PLCB4: variants seen among roughly 807,000 people sequenced by gnomAD.
PLCB4 encodes the protein 1-phosphatidylinositol 4,5-bisphosphate phosphodiesterase beta-4.
A neutral mutation model predicts 178.8 loss-of-function variants in PLCB4; 77 were observed. The observed-to-expected ratio is 0.43, with a 90% CI of 0.36 to 0.52. The LOEUF (loss-of-function observed/expected upper bound fraction) is 0.52, where lower values mean the gene tolerates loss of function less well. Ranked by LOEUF, PLCB4 falls within the 20% of genes least tolerant of loss-of-function variation. The probability of loss-of-function intolerance (pLI) is 0.00; values close to 1 mark genes in which losing one functional copy is unlikely to be tolerated. For missense variants in PLCB4, 1,024 were observed against 1,453.4 expected (o/e 0.70, Z 4.80); for synonymous variants, 496 against 490.8 (o/e 1.01, Z -0.14).
chr20:9,128,394 G>A (rs1367234383), intron 2 of PLCB4, among the ~76,000 whole-genome samples: 1 of 152,032 alleles, frequency 6.6e-6, no homozygotes, highest in Non-Finnish European at 1.5e-5. Flanking sequence ...TACCAAAATG[G>A]ACTAACACAC....
At chr20:9,250,114 T>G (rs953742323) in intron 3 of PLCB4, among the ~76,000 whole-genome samples, 1 of 152,148 alleles carries the variant, frequency 6.6e-6, no homozygotes, top group Non-Finnish European at 1.5e-5. Context: ...CACTTAAGAG[T>G]TATCCTATTC....
intron 3 of PLCB4, among the ~76,000 whole-genome samples, chr20:9,267,491 A>C (rs1373296275): frequency 6.6e-6 from 1 of 152,132 alleles, no homozygotes; most frequent in Admixed American, 6.5e-5. Context: ...TTTTTAAAAT[A>C]ATTATTATTT....
rs141730338 is a variant in PLCB4, at chr20:9,360,049, G to A, written c.370-2847G>A. 2.8e-3 allele frequency among the ~76,000 whole-genome samples: 431 copies of A among 152,328 alleles called. 1 individual carries two copies. Among genetic ancestry groups the A allele is most frequent in the African/African-American group, 9.6e-3 (401 of 41,564 alleles). ...CCATGTCGTGAGGAGAGAAGTGTGG[G>A]CAAGCCATTGGGTGAAAATAAAAAT... On this transcript the variant is annotated intron_variant, in intron 7 of 39. Transcript: ENST00000378473.
intron 2 of PLCB4, among the ~76,000 whole-genome samples, chr20:9,186,180 A>G (rs1052346362): frequency 1.3e-5 from 2 of 152,168 alleles, no homozygotes; most frequent in African/African-American, 2.4e-5. Flanking sequence ...TTGACCTTGG[A>G]TGCCTGTTTT....
intron 19 of PLCB4, among the ~76,000 whole-genome samples, chr20:9,397,615 A>T (rs1224684044): frequency 6.6e-6 from 1 of 152,164 alleles, no homozygotes; most frequent in Non-Finnish European, 1.5e-5. Flanking sequence ...CTTAATAAAG[A>T]CTCCTGACTG....
rs1383469077 is a variant in PLCB4, at chr20:9,479,350, A to T, written c.*341A>T. On this transcript the variant is annotated 3_prime_UTR_variant, in exon 40 of 40. Coordinates refer to ENST00000378473, the MANE Select transcript of PLCB4 (RefSeq NM_001377142.1). ...TTGTGATGCCTTAGGACATGTTTGA[A>T]CTGCAGCAAAAAACAAAAACAAAAA... 4.7e-6 allele frequency: 1 copy of T among 212,612 alleles called. No individual in the cohort carries two copies. Among genetic ancestry groups the T allele is most frequent in the African/African-American group, 2.3e-5 (1 of 43,312 alleles). 13.2% of individuals were successfully genotyped at this position (212,612 alleles called of 1,614,324 possible).
intron 2 of PLCB4, among the ~76,000 whole-genome samples, chr20:9,118,034 G>A (rs908987174): frequency 6.6e-6 from 1 of 151,552 alleles, no homozygotes; most frequent in African/African-American, 2.4e-5. Context: ...AAAAAGCTTT[G>A]TCTAAAGTGT....
At position 9,389,951 on chromosome 20, in the gene PLCB4, C is replaced by T; in HGVS notation, c.1231C>T (p.His411Tyr). 1 of 1,530,216 alleles carries T rather than the reference C, an allele frequency of 6.5e-7. No homozygotes were observed. Among genetic ancestry groups the T allele is most frequent in the Non-Finnish European group, 9.0e-7 (1 of 1,105,982 alleles). The allele number at this position is 1,530,216 out of a possible 1,614,324, so 94.8% of individuals were successfully genotyped here. ...EYPVILSFEN[H>Y]CSKYQQYKMS... The stretch of plus-strand genomic sequence containing the variant: ...TCCTGTAATTCTCTCCTTTGAAAAT[C>T]ACTGCAGGTATAATGATCCATTCTG... Residue 411 changes from histidine to tyrosine, a missense_variant, in exon 16 of 40, where the codon CAC becomes TAC. His to Tyr is a moderately conservative substitution (Grantham distance 83). Coordinates refer to ENST00000378473, the MANE Select transcript of PLCB4 (RefSeq NM_001377142.1).
In PLCB4 at chr20:9,472,820, TA is replaced by T; in HGVS notation, c.3386del (p.Lys1129SerfsTer11). On this transcript the variant is annotated frameshift_variant, in exon 37 of 40. Coordinates refer to ENST00000378473, the MANE Select transcript of PLCB4 (RefSeq NM_001377142.1). LOFTEE classifies it high-confidence loss of function. ...RVRELNSSNT[K>X]KFLEERKRLA... ...TCAGGGAGTTAAACAGCAGCAACAC[TA>T]AAAAGTTTCTGGAAGAAAGAAAGAG... The T allele has an allele frequency of 1.2e-6, 2 of 1,600,612 alleles. No homozygotes were observed. The highest frequency in any genetic ancestry group is 1.3e-5 in the African/African-American group (1 of 74,592).
intron 1 of PLCB4, among the ~76,000 whole-genome samples, chr20:9,085,694 CTG>C (rs1262360088): frequency 1.3e-5 from 2 of 152,186 alleles, no homozygotes; most frequent in Non-Finnish European, 2.9e-5. Context: ...TTGACCTTGA[CTG>C]TAACCTTGAC....
At chr20:9,264,808 G>T (rs1263642739) in intron 3 of PLCB4, among the ~76,000 whole-genome samples, 1 of 152,132 alleles carries the variant, frequency 6.6e-6, no homozygotes, top group Non-Finnish European at 1.5e-5. Flanking sequence ...CAGAGTAATT[G>T]CTCTGGGTGC....
intron 35 of PLCB4, among the ~76,000 whole-genome samples, chr20:9,466,989 T>C (rs779391816): frequency 8.5e-5 from 13 of 152,186 alleles, no homozygotes; most frequent in Non-Finnish European, 1.9e-4. Flanking sequence ...CATGTGTTTA[T>C]TGTGGCACTA....
At chr20:9,097,821 A>G (rs1249599649) in intron 2 of PLCB4, among the ~76,000 whole-genome samples, 1 of 152,178 alleles carries the variant, frequency 6.6e-6, no homozygotes, top group Non-Finnish European at 1.5e-5. Flanking sequence ...AGTGAAGACT[A>G]TGGTCCATAC....
chr20:9,431,016 TC>T (rs1671969317), intron 28 of PLCB4, among the ~76,000 whole-genome samples: 1 of 152,216 alleles, frequency 6.6e-6, no homozygotes, highest in Admixed American at 6.5e-5. Context: ...TGCCCTAGTT[TC>T]CTAGAACTAC....
intron 7 of PLCB4, among the ~76,000 whole-genome samples, chr20:9,351,035 G>T (rs947848277): frequency 2.1e-4 from 32 of 152,146 alleles, no homozygotes; most frequent in African/African-American, 7.5e-4. Flanking sequence ...CTGAAAAAAG[G>T]ATTCCTTAAA....
intron 3 of PLCB4, among the ~76,000 whole-genome samples, chr20:9,237,604 G>A (rs192488808): frequency 6.2e-4 from 94 of 152,312 alleles, no homozygotes; most frequent in Middle Eastern, 6.8e-3. Flanking sequence ...AGGGATTTCT[G>A]TGCACACTCA....
At chr20:9,146,624 T>A (rs2146903374) in intron 2 of PLCB4, among the ~76,000 whole-genome samples, 1 of 152,218 alleles carries the variant, frequency 6.6e-6, no homozygotes. Flanking sequence ...AAGACAAAAG[T>A]ATTTGGTTAA....
At chr20:9,464,464 C>A (rs543846853) in intron 35 of PLCB4, among the ~76,000 whole-genome samples, 1 of 152,048 alleles carries the variant, frequency 6.6e-6, no homozygotes, top group African/African-American at 2.4e-5. Context: ...ACACAAAAAA[C>A]CCTTCAAAAA....
intron 3 of PLCB4, among the ~76,000 whole-genome samples, chr20:9,248,242 G>A (rs554925836): frequency 6.6e-6 from 1 of 152,168 alleles, no homozygotes; most frequent in South Asian, 2.1e-4. Flanking sequence ...TCCATGTACT[G>A]TGATTAATAC....
Sources: allele counts gnomAD v4.1 joint callset (sites outside exome capture counted in the v4.1 genomes callset), GRCh38; gene constraint gnomAD v4.1.1; transcripts MANE v1.5; gene names NCBI Gene and HGNC (gene_info 2026-07-23, HGNC 2026-07-21).